The following PROSER2 variants were observed in gnomAD, a reference collection of about 807,000 sequenced individuals.
PROSER2 encodes the protein proline and serine rich 2, also known as proline and serine-rich protein 2.
In PROSER2, 18 loss-of-function variants were observed where a neutral mutation model predicts 14.6. The ratio of observed to expected loss-of-function variants is 1.23; its 90% CI spans 0.85 to 1.83. The LOEUF is 1.83. Ranked by LOEUF, PROSER2 falls within the 40% of genes most tolerant of loss-of-function variation. PROSER2 has a pLI of 0.00. For synonymous variants in PROSER2, 367 were observed against 286.4 expected (o/e 1.28, Z -2.84); for missense variants, 823 against 629.8 (o/e 1.31, Z -3.28).
chr10:11,866,448 A>G lies in PROSER2; in HGVS notation c.139-83A>G, dbSNP rs1834349862. ...GAGTTCCGCCCTGGGCTGTGGACCAATCCCAACTTTGCTTCAGCTTTTGTC... is the reference window on the plus strand; with the variant it reads ...GAGTTCCGCCCTGGGCTGTGGACCAGTCCCAACTTTGCTTCAGCTTTTGTC... On this transcript the variant is annotated intron_variant, in intron 2 of 3. Coordinates refer to ENST00000277570, the MANE Select transcript of PROSER2 (RefSeq NM_153256.4). The surrounding 1 kb of genome is among the most constrained non-coding windows in gnomAD (Gnocchi z 6.0). The G allele has an allele frequency of 3.9e-6, 6 of 1,557,192 alleles. No individual in the cohort carries two copies. Among genetic ancestry groups the G allele is most frequent in the Admixed American group, 1.7e-5 (1 of 57,396 alleles).
rs753222519 is a variant in PROSER2 at position 11,869,476 on chromosome 10, C to A, written c.392-14C>A. 21 of 1,606,364 alleles carry A rather than the reference C, an allele frequency of 1.3e-5. No individual in the cohort carries two copies. Among genetic ancestry groups the A allele is most frequent in the Non-Finnish European group, 1.7e-5 (20 of 1,173,236 alleles). The stretch of plus-strand genomic sequence containing the variant: ...GTGGGCCGGTGGCTCACAGGCTCCT[C>A]CCTTGTCTTCCAGGGCCTGCACCTG... On this transcript the variant is annotated splice_polypyrimidine_tract_variant and intron_variant, in intron 3 of 3. Transcript: ENST00000277570. This position sits in a 1 kb window ranked among gnomAD's most constrained non-coding sequence, Gnocchi z 4.4.
rs911893562 is a variant in PROSER2, at chr10:11,865,832, A to G, written c.139-699A>G. On this transcript the variant is annotated intron_variant, in intron 2 of 3. Transcript: ENST00000277570. This position sits in a 1 kb window ranked among gnomAD's most constrained non-coding sequence, Gnocchi z 4.2. ...GGGATGAGCTCATTGCTTCTGAAAG[A>G]GACTTTCAAACAGTTCAGCTCTCTT... Among the ~76,000 whole-genome samples the G allele has an allele frequency of 1.8e-4, 28 of 152,170 alleles. No individual in the cohort carries two copies. The highest frequency in any genetic ancestry group is 6.5e-4 in the African/African-American group (27 of 41,438).
intron 1 of PROSER2, among the ~76,000 whole-genome samples, chr10:11,835,795 G>T (rs906364131): frequency 1.3e-5 from 2 of 152,086 alleles, no homozygotes; most frequent in African/African-American, 4.8e-5. Flanking sequence ...GATGAATGTC[G>T]TCAAGAGCCA....
chr10:11,863,235 T>C (rs1005301954), intron 2 of PROSER2, among the ~76,000 whole-genome samples: 5 of 152,184 alleles, frequency 3.3e-5, no homozygotes, highest in Non-Finnish European at 7.3e-5. Context: ...CTATAGTCTC[T>C]GAAATTGTGT....
Position 11,870,303 on chromosome 10 carries a change from C to T in PROSER2, c.1205C>T (p.Pro402Leu), listed in dbSNP as rs1207076668. Residue 402 changes from proline to leucine, a missense_variant, in exon 4 of 4, where the codon CCC becomes CTC. Transcript: ENST00000277570. ...AQDWRRADSL[P>L]RPQGITVQFA... ...GACTGGCGCCGCGCAGACTCCCTGC[C>T]CCGGCCCCAGGGCATCACCGTGCAG... The T allele has an allele frequency of 4.0e-6, 6 of 1,494,768 alleles. No individual in the cohort carries two copies. The highest frequency in any genetic ancestry group is 2.2e-4 in the Middle Eastern group (1 of 4,614). The allele number at this position is 1,494,768 out of a possible 1,614,324, so 92.6% of individuals were successfully genotyped here.
chr10:11,869,770 G>C lies in PROSER2; in HGVS notation c.672G>C (p.Glu224Asp). 1 of 1,566,446 alleles carries C rather than the reference G, an allele frequency of 6.4e-7. No homozygotes were observed. The highest frequency in any genetic ancestry group is 8.6e-7 in the Non-Finnish European group (1 of 1,157,730). ...CGTTCAGGGAGGGCCGGCCCGGGGA[G>C]TGGAGGACACCTGCCGCCCGGGGGC... is the stretch of plus-strand genomic sequence containing the variant. ...TSPFREGRPG[E>D]WRTPAARGPR... The change falls in exon 4 of 4, where the codon GAG (glutamate) becomes GAC (aspartate). Residue 224 changes from glutamate (E) to aspartate (D), a missense_variant. Coordinates refer to ENST00000277570, the MANE Select transcript of PROSER2 (RefSeq NM_153256.4). This position sits in a 1 kb window ranked among gnomAD's most constrained non-coding sequence, Gnocchi z 4.4.
In PROSER2 at chr10:11,842,710, T is replaced by C. The variant is rs115906054; in HGVS notation, c.-81-9287T>C. Among the ~76,000 whole-genome samples, 1,290 of 152,208 alleles carry C rather than the reference T, an allele frequency of 8.5e-3. 21 individuals are homozygous for C. Among genetic ancestry groups the C allele is most frequent in the African/African-American group, 0.029 (1,217 of 41,552 alleles). Reference sequence around the variant, plus strand: ...ATTGGTAGCCGACTCGCTCTGTTTTTATTTATATAGAAATTTATAACATTT... The same window carrying C: ...ATTGGTAGCCGACTCGCTCTGTTTTCATTTATATAGAAATTTATAACATTT... On this transcript the variant is annotated intron_variant, in intron 1 of 3. Coordinates refer to ENST00000277570, the MANE Select transcript of PROSER2 (RefSeq NM_153256.4).
In PROSER2 at chr10:11,837,297, A is replaced by C. The variant is rs1158022301; in HGVS notation, c.-82+13827A>C. Among the ~76,000 whole-genome samples, 1 of 152,224 alleles carries C rather than the reference A, an allele frequency of 6.6e-6. No individual in the cohort carries two copies. Among genetic ancestry groups the C allele is most frequent in the African/African-American group, 2.4e-5 (1 of 41,458 alleles). ...TCTGTGAAGGTGTGAAGAAGGAAAA[A>C]GAAATTTATATTAGTTTTGCTGTCA... is the stretch of plus-strand genomic sequence containing the variant. On this transcript the variant is annotated intron_variant, in intron 1 of 3. Coordinates refer to ENST00000277570, the MANE Select transcript of PROSER2 (RefSeq NM_153256.4). The surrounding 1 kb of genome is among the most constrained non-coding windows in gnomAD (Gnocchi z 4.6).
At chr10:11,842,161 G>A (rs903288885) in intron 1 of PROSER2, among the ~76,000 whole-genome samples, 2 of 151,638 alleles carry the variant, frequency 1.3e-5, no homozygotes, top group African/African-American at 4.9e-5. Context: ...GGTGGAGGTT[G>A]TAGTGAGCTG....
At chr10:11,843,644 C>G (rs1330800068) in intron 1 of PROSER2, among the ~76,000 whole-genome samples, 1 of 151,308 alleles carries the variant, frequency 6.6e-6, no homozygotes, top group African/African-American at 2.4e-5. Context: ...CGAGATCGCA[C>G]CACTGCCTTC....
In PROSER2 at chr10:11,869,961, C is replaced by G. The variant is rs1045715537; in HGVS notation, c.863C>G (p.Thr288Ser). 7.2e-7 allele frequency: 1 copy of G among 1,385,670 alleles called. No homozygotes were observed. The highest frequency in any genetic ancestry group is 1.7e-5 in the South Asian group (1 of 59,626). 85.8% of individuals were successfully genotyped at this position (1,385,670 alleles called of 1,614,324 possible). A position where few individuals can be genotyped will look rare whatever the true frequency, so the allele number is the denominator to read the frequency against. The change falls in exon 4 of 4, where the codon ACC becomes AGC. Residue 288 changes from threonine to serine, a missense_variant. Transcript: ENST00000277570. The surrounding 1 kb of genome is among the most constrained non-coding windows in gnomAD (Gnocchi z 4.4). ...VQERRAQVLA[T>S]IHGHAGAFPA... is the part of the protein sequence containing the mutation. ...GAGCGCAGGGCGCAGGTGTTGGCCACCATCCACGGCCACGCCGGCGCCTTC... is the reference window on the plus strand; with the variant it reads ...GAGCGCAGGGCGCAGGTGTTGGCCAGCATCCACGGCCACGCCGGCGCCTTC...
intron 1 of PROSER2, among the ~76,000 whole-genome samples, chr10:11,834,703 C>G (rs1020935308): frequency 1.3e-5 from 2 of 152,074 alleles, no homozygotes; most frequent in African/African-American, 4.8e-5. Context: ...CCATTGCACT[C>G]CAGTCTGGGT....
intron 1 of PROSER2, among the ~76,000 whole-genome samples, chr10:11,846,233 T>C (rs1236393435): frequency 6.6e-6 from 1 of 152,132 alleles, no homozygotes; most frequent in Non-Finnish European, 1.5e-5. Flanking sequence ...GTGATTCACC[T>C]GCCTCGGCCT....
intron 1 of PROSER2, among the ~76,000 whole-genome samples, chr10:11,825,876 A>G (rs1444135026): frequency 1.3e-5 from 2 of 152,290 alleles, no homozygotes; most frequent in East Asian, 3.9e-4. Flanking sequence ...CTTTTTTATT[A>G]TAGTCAAATA....
At chr10:11,867,340 T>A (rs1440424172) in intron 3 of PROSER2, among the ~76,000 whole-genome samples, 1 of 147,102 alleles carries the variant, frequency 6.8e-6, no homozygotes, top group African/African-American at 2.5e-5. Flanking sequence ...ACACAATGCA[T>A]ACATGCACAG....
At chr10:11,833,736 A>T (rs1338603635) in intron 1 of PROSER2, among the ~76,000 whole-genome samples, 1 of 152,164 alleles carries the variant, frequency 6.6e-6, no homozygotes, top group Non-Finnish European at 1.5e-5. Context: ...TTATCGTCTA[A>T]TGGAGGAAAA....
At position 11,870,987 on chromosome 10, in the gene PROSER2, C is replaced by T. The variant is rs1373544051; in HGVS notation, c.*581C>T. ...GCCCAGTTTTGTTTTTTACTGAAAACTGAAATGAAACCTTTAGATATTGAG... is the reference window on the plus strand; with the variant it reads ...GCCCAGTTTTGTTTTTTACTGAAAATTGAAATGAAACCTTTAGATATTGAG... On this transcript the variant is annotated 3_prime_UTR_variant, in exon 4 of 4. Coordinates refer to ENST00000277570, the MANE Select transcript of PROSER2 (RefSeq NM_153256.4). 5.3e-5 allele frequency: 8 copies of T among 152,254 alleles called. No homozygotes were observed. Among genetic ancestry groups the T allele is most frequent in the South Asian group, 2.1e-4 (1 of 4,828 alleles). The allele number at this position is 152,254 out of a possible 1,614,324, so 9.4% of individuals were successfully genotyped here. A position where few individuals can be genotyped will look rare whatever the true frequency, so the allele number is the denominator to read the frequency against.
At chr10:11,855,987 G>A (rs1834116407) in intron 2 of PROSER2, among the ~76,000 whole-genome samples, 1 of 152,142 alleles carries the variant, frequency 6.6e-6, no homozygotes, top group Non-Finnish European at 1.5e-5. Context: ...GAAAGGTATA[G>A]GTAGAACTAG....
intron 1 of PROSER2, among the ~76,000 whole-genome samples, chr10:11,843,483 C>G (rs1194879326): frequency 6.6e-6 from 1 of 151,436 alleles, no homozygotes; most frequent in African/African-American, 2.4e-5. Flanking sequence ...GTCAAGAGAT[C>G]GAGACCATCC....
Sources: allele counts gnomAD v4.1 joint callset (sites outside exome capture counted in the v4.1 genomes callset), GRCh38; gene constraint gnomAD v4.1.1; non-coding constraint Gnocchi (gnomAD v3.1); transcripts MANE v1.5; gene names NCBI Gene and HGNC (gene_info 2026-07-23, HGNC 2026-07-21).